Variants in CSMD1 observed in about 807,000 individuals in gnomAD.
CSMD1 encodes CUB and Sushi multiple domains 1, also known as CUB and sushi domain-containing protein 1.
Under a neutral mutation model 417.5 loss-of-function variants are expected in CSMD1, and 213 were observed. The observed-to-expected ratio is 0.51, with a 90% confidence interval of 0.46 to 0.57. The LOEUF is 0.57. CSMD1 is among the 20% of genes least tolerant of loss of function. The probability of loss-of-function intolerance (pLI) is 0.00; values close to 1 mark genes in which losing one functional copy is unlikely to be tolerated. For missense variants in CSMD1, 6,923 were observed against 4,529.7 expected (o/e 1.53, Z -15.17); for synonymous variants, 2,862 against 1,736.8 (o/e 1.65, Z -16.11).
chr8:3,214,618 A>C lies in CSMD1; in HGVS notation c.4746T>G (p.Leu1582=), dbSNP rs769578283. The change falls in exon 30 of 70, where the codon CTT becomes CTG. Residue 1582 remains leucine, a synonymous_variant. Coordinates refer to ENST00000635120, the MANE Select transcript of CSMD1 (RefSeq NM_033225.6). ...CACACTGGTAGGTGATGGTGGAGCC[A>C]AGCTTGAAGTCTGTTCCAACTCTTG... ...NGTRVGTDFK[L]GSTITYQCDS... is the part of the protein sequence containing the mutation. 1 of 1,558,588 alleles carries C rather than the reference A, an allele frequency of 6.4e-7. No homozygotes were observed. The highest frequency in any genetic ancestry group is 1.2e-5 in the South Asian group (1 of 84,384).
chr8:4,574,677 T>G (rs1433717064), intron 2 of CSMD1, among the ~76,000 whole-genome samples: 2 of 152,186 alleles, frequency 1.3e-5, no homozygotes, highest in Non-Finnish European at 2.9e-5. Context: ...AGCTATACGC[T>G]CTCTTCCAGA....
rs186822504 is a variant in CSMD1 at position 4,163,259 on chromosome 8, C to T, written c.416-131160G>A. Among the ~76,000 whole-genome samples, 750 of 152,238 alleles carry T rather than the reference C, an allele frequency of 4.9e-3. 2 individuals carry two copies. The highest frequency in any genetic ancestry group is 7.7e-3 in the Non-Finnish European group (522 of 68,026). ...CTTCAGATAAATAACAAGGAGTGTGCTTCCTGGACTGCATGTTGAGAGTAT... is the reference window on the plus strand; with the variant it reads ...CTTCAGATAAATAACAAGGAGTGTGTTTCCTGGACTGCATGTTGAGAGTAT... On this transcript the variant is annotated intron_variant, in intron 3 of 69. Transcript: ENST00000635120.
intron 7 of CSMD1, among the ~76,000 whole-genome samples, chr8:3,617,974 A>G (rs937166663): frequency 3.3e-5 from 5 of 152,158 alleles, no homozygotes; most frequent in African/African-American, 1.2e-4. Context: ...AAATTACCAT[A>G]AAAACAACAG....
intron 5 of CSMD1, among the ~76,000 whole-genome samples, chr8:3,770,473 G>C (rs747928845): frequency 6.6e-6 from 1 of 152,118 alleles, no homozygotes; most frequent in African/African-American, 2.4e-5. Flanking sequence ...AGATTGCAGT[G>C]AGCCAAGATC....
chr8:4,389,635 G>A (rs757796204), intron 3 of CSMD1, among the ~76,000 whole-genome samples: 5 of 152,066 alleles, frequency 3.3e-5, no homozygotes, highest in African/African-American at 7.2e-5. Flanking sequence ...TCCACAAATC[G>A]TAGTATCCAC....
chr8:4,380,575 A>C (rs530949290), intron 3 of CSMD1, among the ~76,000 whole-genome samples: 1 of 152,306 alleles, frequency 6.6e-6, no homozygotes, highest in South Asian at 2.1e-4. Context: ...GGACCCGTGG[A>C]TGGAATGAGA....
At chr8:3,408,370 G>A (rs1010359828) in intron 13 of CSMD1, 145 bp from the exon 14 acceptor site, 9 of 636,806 alleles carry the variant, frequency 1.4e-5, no homozygotes, top group Non-Finnish European at 2.4e-5. Context: ...AGTAATTCTG[G>A]ACCATAATGT....
At chr8:3,733,168 TACACACACACACACACACAC>T (rs75223191) in intron 6 of CSMD1, among the ~76,000 whole-genome samples, 2 of 140,480 alleles carry the variant, frequency 1.4e-5, no homozygotes, top group African/African-American at 2.8e-5. Flanking sequence ...AGGCCATAAA[TACACACACACACACACACAC>T]ACACACACAC....
chr8:4,418,431 G>T (rs1035205719), intron 3 of CSMD1, among the ~76,000 whole-genome samples: 2 of 152,054 alleles, frequency 1.3e-5, no homozygotes, highest in African/African-American at 4.8e-5. Context: ...TTCATATAGT[G>T]ATTTCTCAAC....
At chr8:4,030,509 G>T (rs944862763) in intron 4 of CSMD1, among the ~76,000 whole-genome samples, 1 of 152,102 alleles carries the variant, frequency 6.6e-6, no homozygotes, top group Non-Finnish European at 1.5e-5. Context: ...TGGGATGCAG[G>T]GCACCAAGTC....
intron 5 of CSMD1, among the ~76,000 whole-genome samples, chr8:3,865,180 C>T (rs1049011956): frequency 3.3e-5 from 5 of 152,182 alleles, no homozygotes; most frequent in Non-Finnish European, 5.9e-5. Flanking sequence ...TGTAGAGGCA[C>T]CTCTGATATT....
chr8:3,688,824 G>A (rs893030278), intron 7 of CSMD1, among the ~76,000 whole-genome samples: 1 of 152,092 alleles, frequency 6.6e-6, no homozygotes, highest in Admixed American at 6.6e-5. Context: ...CAGTGTAATA[G>A]TGGTTAATTA....
chr8:4,097,743 C>A (rs930642453), intron 3 of CSMD1, among the ~76,000 whole-genome samples: 1 of 152,188 alleles, frequency 6.6e-6, no homozygotes, highest in Admixed American at 6.5e-5. Flanking sequence ...AAAACAAATT[C>A]AGTGTAGTTG....
chr8:4,346,705 G>A (rs1800796676), intron 3 of CSMD1, among the ~76,000 whole-genome samples: 1 of 151,974 alleles, frequency 6.6e-6, no homozygotes, highest in Admixed American at 6.6e-5. Flanking sequence ...AGTCAGAAAT[G>A]TCGTATTATT....
intron 1 of CSMD1, among the ~76,000 whole-genome samples, chr8:4,923,490 CTT>C: frequency 6.6e-6 from 1 of 151,720 alleles, no homozygotes; most frequent in Non-Finnish European, 1.5e-5. Flanking sequence ...ATCTTATGTA[CTT>C]TCTCTCTAAA....
intron 2 of CSMD1, among the ~76,000 whole-genome samples, chr8:4,465,788 G>A (rs1800130838): frequency 6.6e-6 from 1 of 152,124 alleles, no homozygotes; most frequent in African/African-American, 2.4e-5. Context: ...AATGGGGGTG[G>A]TTATGGGTAC....
At position 4,922,093 on chromosome 8, in the gene CSMD1, T is replaced by C. The variant is rs1276602578; in HGVS notation, c.85+72239A>G. On this transcript the variant is annotated intron_variant, in intron 1 of 69. Coordinates refer to ENST00000635120, the MANE Select transcript of CSMD1 (RefSeq NM_033225.6). The stretch of plus-strand genomic sequence containing the variant: ...CAGAGCACCTGAGCTTTTGTAATCA[T>C]GATCCAGGAAGTCACTCTGGTGAGA... Among the ~76,000 whole-genome samples, 4 of 152,302 alleles carry C rather than the reference T, an allele frequency of 2.6e-5. No homozygotes were observed. The East Asian group carries it at 7.7e-4, about 29-fold the overall frequency.
At chr8:3,853,070 C>G (rs1804025150) in intron 5 of CSMD1, among the ~76,000 whole-genome samples, 1 of 152,154 alleles carries the variant, frequency 6.6e-6, no homozygotes, top group Non-Finnish European at 1.5e-5. Context: ...CCACGTCACT[C>G]CATCCAATGC....
chr8:3,495,132 G>T (rs887087782), intron 10 of CSMD1, among the ~76,000 whole-genome samples: 11 of 152,188 alleles, frequency 7.2e-5, no homozygotes, highest in African/African-American at 2.7e-4. Context: ...TGAAATAGGT[G>T]TCGAGGTTGA....
Sources: allele counts gnomAD v4.1 joint callset (sites outside exome capture counted in the v4.1 genomes callset), GRCh38; gene constraint gnomAD v4.1.1; transcripts MANE v1.5; gene names NCBI Gene and HGNC (gene_info 2026-07-23, HGNC 2026-07-21).